The following PTPRN2 variants were observed in gnomAD, a reference collection of about 807,000 sequenced individuals.
PTPRN2 encodes protein tyrosine phosphatase receptor type N2.
PTPRN2 carries 74 observed loss-of-function variants against 118.8 expected under a neutral mutation model. The observed-to-expected ratio is 0.62, with a 90% CI of 0.52 to 0.76. The LOEUF is 0.76. Among genes scored for constraint, PTPRN2 ranks in the 30% least tolerant of loss-of-function variants. The pLI is 0.00. For missense variants in PTPRN2, 1,481 were observed against 1,394.4 expected, an observed-to-expected ratio of 1.06 and a Z score of -0.99; for synonymous variants, 641 against 608.0, an observed-to-expected ratio of 1.05 and a Z score of -0.80.
chr7:158,135,206 A>G (rs1328926335), intron 8 of PTPRN2, among the ~76,000 whole-genome samples: 4 of 152,240 alleles, frequency 2.6e-5, no homozygotes, highest in Non-Finnish European at 5.9e-5. Flanking sequence ...TCACTTTGCC[A>G]AAACACACTT....
chr7:157,902,240 C>T lies in PTPRN2; in HGVS notation c.1724-3503G>A, dbSNP rs576822778. 6.6e-5 allele frequency among the ~76,000 whole-genome samples: 10 copies of T among 152,346 alleles called. No homozygotes were observed. The East Asian group carries it at 1.2e-3, about 18-fold the overall frequency. On this transcript the variant is annotated intron_variant, in intron 11 of 22. Transcript: ENST00000389418. Reference sequence around the variant, plus strand: ...GAACTTCCGGAAAGGGCGTCAGCTGCGGCCAATAGTGACTCAGAGGATGAT... The same window carrying T: ...GAACTTCCGGAAAGGGCGTCAGCTGTGGCCAATAGTGACTCAGAGGATGAT...
intron 10 of PTPRN2, among the ~76,000 whole-genome samples, chr7:158,102,848 C>T (rs1324014162): frequency 1.3e-5 from 2 of 152,154 alleles, no homozygotes; most frequent in Non-Finnish European, 2.9e-5. Flanking sequence ...AAAGACAGCA[C>T]ACGGCTAATG....
At chr7:158,146,770 T>C (rs190481394) in intron 6 of PTPRN2, among the ~76,000 whole-genome samples, 191 of 149,912 alleles carry the variant, frequency 1.3e-3, no homozygotes, top group Middle Eastern at 6.8e-3. Flanking sequence ...ATTAAAAGCT[T>C]CATTTTCTTG....
intron 10 of PTPRN2, among the ~76,000 whole-genome samples, chr7:158,105,474 T>A (rs1395028780): frequency 6.7e-6 from 1 of 149,892 alleles, no homozygotes; most frequent in African/African-American, 2.5e-5. Context: ...TTCACCCTCA[T>A]CCCAGCTCCA....
intron 3 of PTPRN2, among the ~76,000 whole-genome samples, chr7:158,283,711 G>A (rs994266103): frequency 1.3e-5 from 2 of 152,146 alleles, no homozygotes. Context: ...CGCCCATGCA[G>A]GTGATCAGCA....
In PTPRN2 at chr7:157,550,239, G is replaced by A. The variant is rs2117009978; in HGVS notation, c.2903-1220C>T. ...ATGGGGTGGCAACTGTGAAGCCAGT[G>A]GGGGCTCAGGCTCCAGGAGGATCAT... On this transcript the variant is annotated intron_variant, in intron 21 of 22. Coordinates refer to ENST00000389418, the MANE Select transcript of PTPRN2 (RefSeq NM_002847.5). The surrounding 1 kb of genome is among the most constrained non-coding windows in gnomAD (Gnocchi z 5.2). Among the ~76,000 whole-genome samples, 1 of 152,322 alleles carries A rather than the reference G, an allele frequency of 6.6e-6. No individual in the cohort carries two copies. The highest frequency in any genetic ancestry group is 1.5e-5 in the Non-Finnish European group (1 of 68,026).
chr7:157,972,113 T>G (rs906941440), intron 11 of PTPRN2, among the ~76,000 whole-genome samples: 1 of 152,200 alleles, frequency 6.6e-6, no homozygotes, highest in African/African-American at 2.4e-5. Flanking sequence ...GATTGGCATT[T>G]GGCTATCAAG....
intron 1 of PTPRN2, among the ~76,000 whole-genome samples, chr7:158,568,954 C>T (rs1332548983): frequency 6.6e-6 from 1 of 151,988 alleles, no homozygotes; most frequent in African/African-American, 2.4e-5. Context: ...AGTGAGACCC[C>T]ATCTCTACAA....
intron 1 of PTPRN2, among the ~76,000 whole-genome samples, chr7:158,540,639 C>T (rs1254494532): frequency 1.3e-5 from 2 of 152,200 alleles, no homozygotes; most frequent in African/African-American, 4.8e-5. Context: ...CCAGACGAGA[C>T]CACAAGGGAC....
rs533525489 is a variant in PTPRN2 at position 157,981,483 on chromosome 7, G to T, written c.1724-82746C>A. Among the ~76,000 whole-genome samples the T allele has an allele frequency of 3.2e-4, 49 of 152,250 alleles. No homozygotes were observed. The South Asian group carries it at 7.1e-3, about 22-fold the overall frequency. On this transcript the variant is annotated intron_variant, in intron 11 of 22. Transcript: ENST00000389418. ...AACACACCAACACACACACAAATTTGACTCCAGTCATTGATAAAATAGTAA... is the reference window on the plus strand; with the variant it reads ...AACACACCAACACACACACAAATTTTACTCCAGTCATTGATAAAATAGTAA...
At chr7:158,441,131 G>A (rs926384232) in intron 2 of PTPRN2, among the ~76,000 whole-genome samples, 5 of 149,988 alleles carry the variant, frequency 3.3e-5, no homozygotes, top group South Asian at 2.1e-4. Flanking sequence ...TAGTGGTGAT[G>A]GCAGTGGTAG....
At chr7:158,066,741 A>C (rs1192803723) in intron 11 of PTPRN2, among the ~76,000 whole-genome samples, 1 of 151,860 alleles carries the variant, frequency 6.6e-6, no homozygotes, top group Non-Finnish European at 1.5e-5. Context: ...TGGGAAAATT[A>C]ATAATGCCAA....
chr7:158,208,049 A>G (rs1827296252), intron 3 of PTPRN2, among the ~76,000 whole-genome samples: 1 of 152,238 alleles, frequency 6.6e-6, no homozygotes, highest in Non-Finnish European at 1.5e-5. Context: ...ACCAAGCAAG[A>G]CAAAGAATTA....
chr7:157,630,797 G>A (rs1451142335), intron 14 of PTPRN2, among the ~76,000 whole-genome samples: 2 of 152,198 alleles, frequency 1.3e-5, no homozygotes, highest in African/African-American at 4.8e-5. Flanking sequence ...ACAAGAGTGT[G>A]TGAAAGACCA....
At chr7:158,326,950 C>T (rs1357064993) in intron 2 of PTPRN2, among the ~76,000 whole-genome samples, 2 of 151,988 alleles carry the variant, frequency 1.3e-5, no homozygotes, top group African/African-American at 4.8e-5. Context: ...CACATTTTCA[C>T]ACATGCACAC....
chr7:158,218,315 A>G (rs769432501), intron 3 of PTPRN2, among the ~76,000 whole-genome samples: 1 of 152,348 alleles, frequency 6.6e-6, no homozygotes, highest in South Asian at 2.1e-4. Context: ...AAAAATTCCA[A>G]TCAAGGATTT....
At chr7:158,109,354 AC>A (rs1815997545) in intron 10 of PTPRN2, among the ~76,000 whole-genome samples, 1 of 136,188 alleles carries the variant, frequency 7.3e-6, no homozygotes, top group Non-Finnish European at 1.6e-5. Flanking sequence ...TGTGAAGGAG[AC>A]AGTGAGTGAA....
At chr7:158,239,016 C>T (rs1246225388) in intron 3 of PTPRN2, among the ~76,000 whole-genome samples, 3 of 152,136 alleles carry the variant, frequency 2.0e-5, no homozygotes, top group African/African-American at 4.8e-5. Context: ...CTCGTGAGGG[C>T]CGTGGAGGGG....
At chr7:158,062,093 A>T (rs756016666) in intron 11 of PTPRN2, among the ~76,000 whole-genome samples, 6 of 152,264 alleles carry the variant, frequency 3.9e-5, no homozygotes, top group Non-Finnish European at 8.8e-5. Context: ...TGACTTCTGC[A>T]ATAGCCTCAG....
Sources: allele counts gnomAD v4.1 joint callset (sites outside exome capture counted in the v4.1 genomes callset), GRCh38; gene constraint gnomAD v4.1.1; non-coding constraint Gnocchi (gnomAD v3.1); transcripts MANE v1.5; gene names NCBI Gene and HGNC (gene_info 2026-07-23, HGNC 2026-07-21).